Variants in CUBN observed in about 807,000 individuals in gnomAD.
CUBN encodes the protein cubilin.
A neutral mutation model predicts 405.3 loss-of-function variants in CUBN; 282 were observed. The ratio of observed to expected loss-of-function variants is 0.70; its 90% CI spans 0.63 to 0.77. The LOEUF (loss-of-function observed/expected upper bound fraction) is 0.77. Among genes scored for constraint, CUBN ranks in the 30% least tolerant of loss-of-function variants. The pLI is 0.00. For synonymous variants in CUBN, 1,684 were observed against 1,617.0 expected (o/e 1.04, Z -0.99); for missense variants, 4,514 against 4,475.2 (o/e 1.01, Z -0.25).
chr10:17,001,938 TCTA>T (rs1246865547), intron 28 of CUBN, among the ~76,000 whole-genome samples: 1 of 152,196 alleles, frequency 6.6e-6, no homozygotes, highest in Non-Finnish European at 1.5e-5. Flanking sequence ...ATTATCAAAT[TCTA>T]CTAACTCTTA....
chr10:16,857,846 T>G (rs141913717), intron 59 of CUBN, among the ~76,000 whole-genome samples: 52 of 152,244 alleles, frequency 3.4e-4, no homozygotes, highest in South Asian at 1.0e-3. Flanking sequence ...AAAAAATATA[T>G]AGAGAGACTG....
intron 48 of CUBN, among the ~76,000 whole-genome samples, chr10:16,907,903 T>C (rs1237304048): frequency 6.6e-6 from 1 of 152,184 alleles, no homozygotes; most frequent in Non-Finnish European, 1.5e-5. Flanking sequence ...ATTGCAGTAA[T>C]GCCTTCCTGC....
chr10:16,989,451 CTA>C (rs1227165652), intron 29 of CUBN, among the ~76,000 whole-genome samples: 1 of 147,144 alleles, frequency 6.8e-6, no homozygotes, highest in East Asian at 1.9e-4. Flanking sequence ...TGGGACATAT[CTA>C]TATATGTTAT....
At chr10:17,036,385 G>C (rs1293075794) in intron 27 of CUBN, among the ~76,000 whole-genome samples, 1 of 152,182 alleles carries the variant, frequency 6.6e-6, no homozygotes, top group Non-Finnish European at 1.5e-5. Flanking sequence ...CAGGGAGCAG[G>C]AGCAGAGCCT....
intron 31 of CUBN, 134 bp downstream of exon 31, chr10:16,982,350 G>T: frequency 1.3e-6 from 1 of 760,734 alleles, no homozygotes. Context: ...TATATTTTAA[G>T]TTGCCAATAG....
intron 14 of CUBN, among the ~76,000 whole-genome samples, chr10:17,092,947 A>G (rs527937657): frequency 6.6e-6 from 1 of 152,314 alleles, no homozygotes; most frequent in South Asian, 2.1e-4. Flanking sequence ...AATAGTAAGG[A>G]ATTATTGTTT....
chr10:17,025,929 A>G (rs1222036231), intron 27 of CUBN, among the ~76,000 whole-genome samples: 1 of 152,120 alleles, frequency 6.6e-6, no homozygotes, highest in Non-Finnish European at 1.5e-5. Context: ...GACAGCAGCA[A>G]AGAGAGTTAG....
At chr10:17,064,677 A>T (rs1835573514) in intron 22 of CUBN, among the ~76,000 whole-genome samples, 2 of 152,188 alleles carry the variant, frequency 1.3e-5, no homozygotes, top group Non-Finnish European at 2.9e-5. Flanking sequence ...GCCTAACGAA[A>T]TATGACTCCT....
chr10:17,123,610 CA>C lies in CUBN; in HGVS notation c.466del (p.Cys156ValfsTer27), dbSNP rs755846379. 6 of 1,613,446 alleles carry C rather than the reference CA, an allele frequency of 3.7e-6. No individual in the cohort carries two copies. Among genetic ancestry groups the C allele is most frequent in the African/African-American group, 1.3e-5 (1 of 74,976 alleles). On this transcript the variant is annotated frameshift_variant, in exon 5 of 67. Coordinates refer to ENST00000377833, the MANE Select transcript of CUBN (RefSeq NM_001081.4). LOFTEE classifies it high-confidence loss of function. Reference sequence around the variant, plus strand: ...CACCTTCCACTGTGGGGGACAGATACAAAAAAAGGAATCATGCAGATTGAGG... The same window carrying C: ...CACCTTCCACTGTGGGGGACAGATACAAAAAAGGAATCATGCAGATTGAGG... The part of the protein sequence containing the change: ...TCLNLHDSFF[C>X]ICPPQWKGPL...
chr10:17,041,812 T>C (rs6602173), intron 26 of CUBN, among the ~76,000 whole-genome samples: 75,163 of 151,870 alleles, frequency 0.49, 22,049 homozygotes, highest in African/African-American at 0.83. Context: ...AGCGAATAGA[T>C]AGAGTAGAAA....
intron 14 of CUBN, among the ~76,000 whole-genome samples, chr10:17,088,947 A>G (rs759688618): frequency 6.6e-6 from 1 of 152,176 alleles, no homozygotes; most frequent in Non-Finnish European, 1.5e-5. Context: ...ATTATACCAC[A>G]TCGGCCCCCT....
At chr10:16,917,842 T>C (rs1425571046) in intron 45 of CUBN, among the ~76,000 whole-genome samples, 1 of 152,196 alleles carries the variant, frequency 6.6e-6, no homozygotes, top group Non-Finnish European at 1.5e-5. Flanking sequence ...AAAGTCATGG[T>C]TTTTAAAAAA....
In CUBN at chr10:16,925,368, A is replaced by G; in HGVS notation, c.6519T>C (p.Gly2173=). 6.2e-7 allele frequency: 1 copy of G among 1,613,970 alleles called. No individual in the cohort carries two copies. Among genetic ancestry groups the G allele is most frequent in the Non-Finnish European group, 8.5e-7 (1 of 1,179,870 alleles). The change falls in exon 43 of 67, where the codon GGT becomes GGC. Residue 2173 remains glycine, a synonymous_variant. Transcript: ENST00000377833. ...SPPLGPPGGN[G]HFCGSHASST... Reference sequence around the variant, plus strand: ...ATGAAGCATGACTGCCACAAAAATGACCATTTCCTCCAGGGGGTCCCAAGG... The same window carrying G: ...ATGAAGCATGACTGCCACAAAAATGGCCATTTCCTCCAGGGGGTCCCAAGG...
At chr10:17,039,170 G>A (rs534852934) in intron 27 of CUBN, among the ~76,000 whole-genome samples, 1 of 152,050 alleles carries the variant, frequency 6.6e-6, no homozygotes, top group Non-Finnish European at 1.5e-5. Flanking sequence ...ACCAAATCAC[G>A]ATTATGGTGC....
chr10:17,115,676 T>G, intron 6 of CUBN, 79 bp from the exon 7 acceptor site: 1 of 1,507,746 alleles, frequency 6.6e-7, no homozygotes. Context: ...ATGAGAAAAA[T>G]AATTCAAATT....
rs755989365 is a variant in CUBN, at chr10:16,840,902, G to A, written c.9809C>T (p.Thr3270Ile). 7 of 1,611,552 alleles carry A rather than the reference G, an allele frequency of 4.3e-6. No homozygotes were observed. Among genetic ancestry groups the A allele is most frequent in the Middle Eastern group, 3.7e-4 (2 of 5,358 alleles). Reference sequence around the variant, plus strand: ...TTACTCACTGTCCATGATGGTGTATGTAGCATTAAATCCTTCCCTCTCTAA... The same window carrying A: ...TTACTCACTGTCCATGATGGTGTATATAGCATTAAATCCTTCCCTCTCTAA... Reference protein sequence around the residue: ...LTLEREGFNATYTIMDMPCGG... With the variant: ...LTLEREGFNAIYTIMDMPCGG... The change falls in exon 61 of 67, where the codon ACA (threonine) becomes ATA (isoleucine). Residue 3270 changes from threonine (T) to isoleucine (I), a missense_variant. Physicochemically the swap from Thr to Ile is moderately conservative, Grantham distance 89. This residue lies in a region of CUBN where 1,186 missense variants were observed against 1,186.9 expected (regional missense o/e 1.00). Coordinates refer to ENST00000377833, the MANE Select transcript of CUBN (RefSeq NM_001081.4).
At chr10:16,890,075 CT>C (rs1840958093) in intron 55 of CUBN, among the ~76,000 whole-genome samples, 1 of 152,176 alleles carries the variant, frequency 6.6e-6, no homozygotes, top group Non-Finnish European at 1.5e-5. Context: ...GCCAGCCACA[CT>C]GGTTGTTGCT....
chr10:17,115,660 A>G (rs1836876957), intron 6 of CUBN, 63 bp from the exon 7 acceptor site: 1 of 1,556,872 alleles, frequency 6.4e-7, no homozygotes, highest in Admixed American at 1.7e-5. Context: ...CTGTCTCTTA[A>G]TATCAATGAG....
intron 6 of CUBN, among the ~76,000 whole-genome samples, chr10:17,117,536 G>T (rs963285748): frequency 6.6e-6 from 1 of 151,974 alleles, no homozygotes; most frequent in African/African-American, 2.4e-5. Context: ...CACCACACCC[G>T]GCTAATTTTT....
Sources: gnomAD v4.1 joint callset for allele counts (sites outside exome capture counted in the v4.1 genomes callset) on GRCh38, gnomAD v4.1.1 for gene constraint, gnomAD v4.1.1 regional missense constraint, MANE v1.5 for transcripts, NCBI Gene and HGNC (gene_info 2026-07-23, HGNC 2026-07-21) for gene names.